Variants in ADAMTS6 observed in about 807,000 individuals in gnomAD.
ADAMTS6 encodes A disintegrin and metalloproteinase with thrombospondin motifs 6.
In ADAMTS6, 23 loss-of-function variants were observed where a neutral mutation model predicts 144.3. The ratio of observed to expected loss-of-function variants is 0.16; its 90% CI spans 0.11 to 0.23. The LOEUF (loss-of-function observed/expected upper bound fraction) is 0.23. ADAMTS6 is among the 10% of genes least tolerant of loss of function. The pLI, the probability that ADAMTS6 is intolerant of heterozygous loss-of-function variation, is 1.00. For synonymous variants in ADAMTS6, 444 were observed against 457.5 expected (o/e 0.97, Z 0.38); for missense variants, 999 against 1,379.6 (o/e 0.72, Z 4.37).
chr5:65,368,673 T>C (rs879609708), intron 7 of ADAMTS6, among the ~76,000 whole-genome samples: 7 of 152,190 alleles, frequency 4.6e-5, no homozygotes, highest in Non-Finnish European at 8.8e-5. Context: ...AGTAGAAATA[T>C]AGAAAGAGTC....
chr5:65,288,568 T>C (rs1741967680), intron 11 of ADAMTS6, among the ~76,000 whole-genome samples: 1 of 152,158 alleles, frequency 6.6e-6, no homozygotes, highest in Non-Finnish European at 1.5e-5. Context: ...TCCACCCACC[T>C]CGGCCTCCCA....
chr5:65,156,132 C>T (rs2111965180), intron 24 of ADAMTS6, among the ~76,000 whole-genome samples: 1 of 152,240 alleles, frequency 6.6e-6, no homozygotes, highest in East Asian at 1.9e-4. Flanking sequence ...CCACTTTTAG[C>T]TTAGCTAGAG....
At chr5:65,154,465 G>C (rs1180551777) in intron 24 of ADAMTS6, among the ~76,000 whole-genome samples, 1 of 152,172 alleles carries the variant, frequency 6.6e-6, no homozygotes, top group East Asian at 1.9e-4. Context: ...CTGGGAACAG[G>C]ATCAAGCTTA....
intron 7 of ADAMTS6, among the ~76,000 whole-genome samples, chr5:65,396,897 G>A (rs534038642): frequency 6.6e-6 from 1 of 152,350 alleles, no homozygotes; most frequent in African/African-American, 2.4e-5. Flanking sequence ...TCTTCTGAGA[G>A]ATTGTAGAGA....
chr5:65,289,892 A>C (rs1742116711), intron 11 of ADAMTS6, among the ~76,000 whole-genome samples: 2 of 152,198 alleles, frequency 1.3e-5, no homozygotes, highest in Admixed American at 1.3e-4. Flanking sequence ...TCAATGTATT[A>C]ATCCGTAAGT....
intron 24 of ADAMTS6, among the ~76,000 whole-genome samples, chr5:65,168,196 C>T (rs1419499934): frequency 6.2e-5 from 9 of 145,256 alleles, no homozygotes; most frequent in Non-Finnish European, 1.1e-4. Context: ...TCTCAGGATA[C>T]AAAATCAATG....
intron 3 of ADAMTS6, 109 bp from the exon 4 acceptor site, chr5:65,460,447 A>T: frequency 1.0e-6 from 1 of 962,066 alleles, no homozygotes; most frequent in South Asian, 1.8e-5. Context: ...TTACAGGGTT[A>T]AAACACGTTA....
At chr5:65,278,028 A>T (rs1762699289) in intron 11 of ADAMTS6, among the ~76,000 whole-genome samples, 2 of 118,942 alleles carry the variant, frequency 1.7e-5, no homozygotes, top group South Asian at 5.4e-4. Context: ...ATCACTCTGT[A>T]TGCCTCGGTA....
In ADAMTS6 at chr5:65,283,075, C is replaced by T. The variant is rs912603349; in HGVS notation, c.1512+8254G>A. On this transcript the variant is annotated intron_variant, in intron 11 of 24. Transcript: ENST00000381055. The stretch of plus-strand genomic sequence containing the variant: ...TTTGTCCACATTAGCCTATCAGTAA[C>T]ACCTCTCAACAGCTGCTTGCAATAA... Among the ~76,000 whole-genome samples the T allele has an allele frequency of 5.2e-4, 79 of 152,166 alleles. 1 individual carries two copies. The highest frequency in any genetic ancestry group is 1.9e-3 in the African/African-American group (77 of 41,530).
chr5:65,425,865 G>A (rs1055857185), intron 7 of ADAMTS6, among the ~76,000 whole-genome samples: 7 of 151,512 alleles, frequency 4.6e-5, no homozygotes, highest in African/African-American at 1.2e-4. Context: ...CTGGGTTCAC[G>A]CCATTCTCCT....
chr5:65,240,265 TG>T (rs1182004445), intron 15 of ADAMTS6, among the ~76,000 whole-genome samples: 8 of 152,098 alleles, frequency 5.3e-5, no homozygotes, highest in Non-Finnish European at 8.8e-5. Context: ...CTACTGCGCT[TG>T]GCTAGAGTGA....
rs760122472 is a variant in ADAMTS6 at position 65,452,903 on chromosome 5, C to T, written c.647G>A (p.Gly216Asp). Residue 216 changes from glycine (G) to aspartate (D), a missense_variant, in exon 5 of 25, where the codon GGC becomes GAC. Gly to Asp is a moderately conservative substitution (Grantham distance 94). Transcript: ENST00000381055. ...HCGVSDFTRS[G>D]KPWWLNDTST... is the part of the protein sequence containing the mutation. Reference sequence around the variant, plus strand: ...TGTGTCATTCAGCCACCAAGGTTTGCCACTTCTTGTGAAATCTACAATAAA... The same window carrying T: ...TGTGTCATTCAGCCACCAAGGTTTGTCACTTCTTGTGAAATCTACAATAAA... The T allele has an allele frequency of 2.5e-6, 4 of 1,613,172 alleles. No homozygotes were observed. The highest frequency in any genetic ancestry group is 1.7e-5 in the Admixed American group (1 of 59,894).
At chr5:65,373,910 A>G (rs932431053) in intron 7 of ADAMTS6, among the ~76,000 whole-genome samples, 36 of 152,228 alleles carry the variant, frequency 2.4e-4, no homozygotes, top group East Asian at 5.8e-4. Context: ...CTTATCTGCC[A>G]TGATCAAGTG....
At chr5:65,387,526 T>C (rs1752573784) in intron 7 of ADAMTS6, among the ~76,000 whole-genome samples, 1 of 152,144 alleles carries the variant, frequency 6.6e-6, no homozygotes, top group African/African-American at 2.4e-5. Flanking sequence ...CATGGTTGGG[T>C]CAAATGAGCC....
intron 7 of ADAMTS6, among the ~76,000 whole-genome samples, chr5:65,343,432 A>C (rs1332715765): frequency 6.6e-6 from 1 of 152,088 alleles, no homozygotes; most frequent in Non-Finnish European, 1.5e-5. Flanking sequence ...TGCCAAGAAC[A>C]CTCATTGGGC....
At chr5:65,464,324 T>C (rs1257478082) in intron 3 of ADAMTS6, among the ~76,000 whole-genome samples, 1 of 152,192 alleles carries the variant, frequency 6.6e-6, no homozygotes, top group East Asian at 1.9e-4. Flanking sequence ...ATATAATACA[T>C]ATAACTTGTG....
rs1761228862 is a variant in ADAMTS6 at position 65,481,877 on chromosome 5, C to G, written c.-814G>C. ...GGCCCCCAGCCAACTTGAATTGCAGCAGGAGAAAATTTTGGCAGCTTTTCC... is the reference window on the plus strand; with the variant it reads ...GGCCCCCAGCCAACTTGAATTGCAGGAGGAGAAAATTTTGGCAGCTTTTCC... On this transcript the variant is annotated 5_prime_UTR_variant, in exon 1 of 25. Transcript: ENST00000381055. 1.3e-5 allele frequency: 2 copies of G among 152,558 alleles called. No homozygotes were observed. Among genetic ancestry groups the G allele is most frequent in the Non-Finnish European group, 2.9e-5 (2 of 68,362 alleles). The allele number at this position is 152,558 out of a possible 1,614,324, so 9.5% of individuals were successfully genotyped here.
chr5:65,475,964 C>A (rs182035121), intron 1 of ADAMTS6, among the ~76,000 whole-genome samples: 1 of 152,162 alleles, frequency 6.6e-6, no homozygotes, highest in Non-Finnish European at 1.5e-5. Context: ...TTCCCTTGCT[C>A]CCCTCCTCTT....
At chr5:65,384,320 T>G (rs2150138884) in intron 7 of ADAMTS6, among the ~76,000 whole-genome samples, 1 of 152,264 alleles carries the variant, frequency 6.6e-6, no homozygotes, top group East Asian at 1.9e-4. Flanking sequence ...CTCTCACACA[T>G]TTTACTATAA....
Sources: allele counts gnomAD v4.1 joint callset (sites outside exome capture counted in the v4.1 genomes callset), GRCh38; gene constraint gnomAD v4.1.1; transcripts MANE v1.5; gene names NCBI Gene and HGNC (gene_info 2026-07-23, HGNC 2026-07-21).